MYT1L: variants seen among roughly 807,000 people sequenced by gnomAD.
MYT1L encodes myelin transcription factor 1 like.
In MYT1L, 12 loss-of-function variants were observed where a neutral mutation model predicts 126.7. That is an observed-to-expected ratio of 0.09 (90% confidence interval 0.06 to 0.15). The LOEUF is 0.15. Among genes scored for constraint, MYT1L ranks in the 10% least tolerant of loss-of-function variants. The probability of loss-of-function intolerance (pLI) is 1.00; values close to 1 mark genes in which losing one functional copy is unlikely to be tolerated. For synonymous variants in MYT1L, 541 were observed against 604.2 expected, an observed-to-expected ratio of 0.90 and a Z score of 1.53; for missense variants, 979 against 1,585.2, an observed-to-expected ratio of 0.62 and a Z score of 6.49.
chr2:2,099,036 G>A (rs775215255), intron 3 of MYT1L, among the ~76,000 whole-genome samples: 25 of 152,212 alleles, frequency 1.6e-4, no homozygotes, highest in Non-Finnish European at 3.5e-4. Context: ...AGCACCGCTA[G>A]GCAGCCCATT....
chr2:2,214,482 A>G (rs891456889), intron 2 of MYT1L, among the ~76,000 whole-genome samples: 1 of 152,194 alleles, frequency 6.6e-6, no homozygotes, highest in Non-Finnish European at 1.5e-5. Flanking sequence ...TAATAGGGAA[A>G]AAAAGGTGTG....
At chr2:1,832,227 T>C (rs2040290683) in intron 21 of MYT1L, among the ~76,000 whole-genome samples, 1 of 152,106 alleles carries the variant, frequency 6.6e-6, no homozygotes, top group Non-Finnish European at 1.5e-5. Flanking sequence ...GCTCTCTCCC[T>C]GCCTTGTGAG....
chr2:2,184,814 C>T (rs1414878809), intron 2 of MYT1L, among the ~76,000 whole-genome samples: 3 of 152,124 alleles, frequency 2.0e-5, no homozygotes, highest in Non-Finnish European at 4.4e-5. Context: ...AGACTCCTGC[C>T]TAAATCGGTG....
intron 14 of MYT1L, among the ~76,000 whole-genome samples, chr2:1,894,290 G>A (rs2049298808): frequency 6.6e-6 from 1 of 152,128 alleles, no homozygotes; most frequent in African/African-American, 2.4e-5. Flanking sequence ...CTGCTGGTCT[G>A]AGCAAGGCCC....
chr2:2,042,679 T>A (rs950689075), intron 4 of MYT1L, among the ~76,000 whole-genome samples: 1 of 152,142 alleles, frequency 6.6e-6, no homozygotes, highest in Non-Finnish European at 1.5e-5. Context: ...GCACCAATGG[T>A]CCCGGCCTCC....
chr2:2,200,768 G>A (rs547950844), intron 2 of MYT1L, among the ~76,000 whole-genome samples: 1 of 152,322 alleles, frequency 6.6e-6, no homozygotes, highest in African/African-American at 2.4e-5. Context: ...GGCTGAGAAA[G>A]CCCAGGGGGT....
At chr2:1,893,721 C>T (rs1217217228) in intron 14 of MYT1L, among the ~76,000 whole-genome samples, 2 of 152,174 alleles carry the variant, frequency 1.3e-5, no homozygotes, top group African/African-American at 4.8e-5. Flanking sequence ...GAGAACAAAG[C>T]TAAGTGAAGC....
chr2:2,034,103 TA>T (rs1221452798), intron 4 of MYT1L, among the ~76,000 whole-genome samples: 2 of 152,166 alleles, frequency 1.3e-5, no homozygotes, highest in Non-Finnish European at 2.9e-5. Flanking sequence ...TTTTTCTCAT[TA>T]AATCCCTATT....
At chr2:2,096,306 TG>T (rs1361493372) in intron 3 of MYT1L, among the ~76,000 whole-genome samples, 1 of 152,184 alleles carries the variant, frequency 6.6e-6, no homozygotes, top group Non-Finnish European at 1.5e-5. Context: ...CAGACAGCTG[TG>T]GGGGCCACTG....
chr2:2,028,479 A>G (rs1231848788), intron 4 of MYT1L, among the ~76,000 whole-genome samples: 2 of 152,234 alleles, frequency 1.3e-5, no homozygotes, highest in Non-Finnish European at 2.9e-5. Context: ...GTAGTGGCAG[A>G]GTAGGAAAAG....
intron 21 of MYT1L, among the ~76,000 whole-genome samples, chr2:1,837,904 CTT>C (rs2041126254): frequency 7.5e-6 from 1 of 133,996 alleles, no homozygotes; most frequent in South Asian, 2.3e-4. Context: ...TTTTTTTTGT[CTT>C]TTGTTTGTTT....
chr2:1,880,970 A>C (rs1047009278), intron 18 of MYT1L, among the ~76,000 whole-genome samples: 3 of 152,200 alleles, frequency 2.0e-5, no homozygotes, highest in African/African-American at 7.2e-5. Flanking sequence ...GAACTTTAGG[A>C]ATGTTTCATC....
At chr2:2,235,591 C>A (rs1352712927) in intron 2 of MYT1L, among the ~76,000 whole-genome samples, 2 of 152,184 alleles carry the variant, frequency 1.3e-5, no homozygotes, top group African/African-American at 4.8e-5. Context: ...GGTTGTATTT[C>A]TTGGTTCCTC....
At chr2:2,289,112 A>G (rs942646568) in intron 1 of MYT1L, among the ~76,000 whole-genome samples, 7 of 152,168 alleles carry the variant, frequency 4.6e-5, no homozygotes, top group African/African-American at 1.7e-4. Flanking sequence ...GGGCAGACAG[A>G]ATCCTCCACT....
intron 3 of MYT1L, among the ~76,000 whole-genome samples, chr2:2,136,414 G>C (rs774823653): frequency 2.6e-5 from 4 of 152,106 alleles, no homozygotes; most frequent in Non-Finnish European, 4.4e-5. Context: ...TCAAACCAAG[G>C]CTGAGAATCT....
intron 3 of MYT1L, among the ~76,000 whole-genome samples, chr2:2,133,693 C>T (rs1410268181): frequency 3.9e-5 from 6 of 152,108 alleles, no homozygotes; most frequent in Admixed American, 3.9e-4. Context: ...TGAATGGTCC[C>T]TTGGTGCTGA....
intron 9 of MYT1L, among the ~76,000 whole-genome samples, chr2:1,932,828 T>A (rs757830691): frequency 1.3e-5 from 2 of 151,470 alleles, no homozygotes; most frequent in South Asian, 4.2e-4. Flanking sequence ...GCTGGTGGAG[T>A]GTGCTGGAAG....
At chr2:2,153,347 G>A (rs1214179041) in intron 3 of MYT1L, among the ~76,000 whole-genome samples, 1 of 152,240 alleles carries the variant, frequency 6.6e-6, no homozygotes, top group Non-Finnish European at 1.5e-5. Flanking sequence ...CATTTGAGAT[G>A]TCTCAGGAAT....
chr2:1,874,436 G>C (rs775550227), intron 18 of MYT1L, among the ~76,000 whole-genome samples: 8 of 152,152 alleles, frequency 5.3e-5, no homozygotes, highest in Non-Finnish European at 8.8e-5. Flanking sequence ...CTTTAGCACT[G>C]GCCAGACTTA....
Sources: gnomAD v4.1 joint callset for allele counts (sites outside exome capture counted in the v4.1 genomes callset) on GRCh38, gnomAD v4.1.1 for gene constraint, MANE v1.5 for transcripts, NCBI Gene and HGNC (gene_info 2026-07-23, HGNC 2026-07-21) for gene names.